FAM20B: variants seen among roughly 807,000 people sequenced by gnomAD.
The protein encoded by FAM20B is glycosaminoglycan xylosylkinase.
Under a neutral mutation model 43.8 loss-of-function variants are expected in FAM20B, and 23 were observed. That is an observed-to-expected ratio of 0.53 (90% CI 0.38 to 0.74). FAM20B has a LOEUF of 0.74. FAM20B is among the 30% of genes least tolerant of loss of function. FAM20B has a pLI of 0.00. For synonymous variants in FAM20B, 178 were observed against 192.4 expected (o/e 0.93, Z 0.62); for missense variants, 440 against 510.5 (o/e 0.86, Z 1.33).
the FAM20B span, among the ~76,000 whole-genome samples, chr1:179,019,908 C>T: frequency 6.6e-6 from 1 of 152,206 alleles, no homozygotes; most frequent in Non-Finnish European, 1.5e-5. Context: ...TCCCTGCCTA[C>T]ATGCCATGCC....
intron 4 of FAM20B, among the ~76,000 whole-genome samples, chr1:179,058,520 A>G (rs1470140781): frequency 2.0e-5 from 3 of 152,210 alleles, no homozygotes; most frequent in Non-Finnish European, 2.9e-5. Flanking sequence ...GTTTAGCTGA[A>G]GGAAAGGATG....
At chr1:179,018,596 C>A in the FAM20B span, among the ~76,000 whole-genome samples, 1 of 152,176 alleles carries the variant, frequency 6.6e-6, no homozygotes, top group Non-Finnish European at 1.5e-5. Context: ...CGTCAGCCAC[C>A]ATGCCCGGCC....
intron 1 of FAM20B, among the ~76,000 whole-genome samples, chr1:179,031,934 T>C (rs957954372): frequency 1.9e-4 from 29 of 152,322 alleles, no homozygotes; most frequent in African/African-American, 5.8e-4. Flanking sequence ...TGTGGTAGAA[T>C]TGAACTTTGT....
chr1:179,042,822 G>A (rs969882192), intron 1 of FAM20B, among the ~76,000 whole-genome samples: 3 of 152,246 alleles, frequency 2.0e-5, no homozygotes. Flanking sequence ...GTGCACGCAG[G>A]TTGTCCGGAT....
rs1289557079 is a variant in FAM20B, at chr1:179,040,774, C to T, written c.-133-2941C>T. On this transcript the variant is annotated intron_variant, in intron 1 of 7. Transcript: ENST00000263733. ...CGGGGGCTGACCCCCACCTCCCTCC[C>T]GGACGGGTTGGCTGCTGGGCGGAGA... Among the ~76,000 whole-genome samples the T allele has an allele frequency of 8.6e-5, 13 of 151,752 alleles. No homozygotes were observed. The South Asian group carries it at 1.7e-3, about 19-fold the overall frequency.
intron 1 of FAM20B, among the ~76,000 whole-genome samples, chr1:179,043,467 G>A (rs60642070): frequency 0.021 from 3,210 of 152,240 alleles, 130 homozygotes; most frequent in African/African-American, 0.074. Flanking sequence ...TTCCAGCTCC[G>A]TGGAGTGTGC....
chr1:179,043,998 G>A lies in FAM20B; in HGVS notation c.151G>A (p.Glu51Lys), dbSNP rs1476939825. Residue 51 changes from glutamate to lysine, a missense_variant, in exon 2 of 8, where the codon GAG becomes AAG. Physicochemically the swap from Glu to Lys is moderately conservative, Grantham distance 56. Transcript: ENST00000263733. The stretch of plus-strand genomic sequence containing the variant: ...CCGAATGATGACTGGCTTGCGGGTG[G>A]AGCTGGCACCCAAGCTGGACCATAC... Reference protein sequence around the residue: ...FHRMMTGLRVELAPKLDHTLQ... With the variant: ...FHRMMTGLRVKLAPKLDHTLQ... The A allele has an allele frequency of 1.2e-6, 2 of 1,614,162 alleles. No homozygotes were observed. The highest frequency in any genetic ancestry group is 1.7e-5 in the Admixed American group (1 of 60,020).
At chr1:179,028,350 G>A (rs145370517) in intron 1 of FAM20B, among the ~76,000 whole-genome samples, 1,682 of 152,294 alleles carry the variant, frequency 0.011, 22 homozygotes, top group Non-Finnish European at 0.017. Context: ...TTGGGAGGCC[G>A]AGGCAGGCGG....
intron 1 of FAM20B, among the ~76,000 whole-genome samples, chr1:179,043,403 G>T (rs1650626607): frequency 6.6e-6 from 1 of 152,122 alleles, no homozygotes; most frequent in South Asian, 2.1e-4. Context: ...GGAACACGGG[G>T]CCCCTGCTCC....
In FAM20B at chr1:179,044,186, A is replaced by G. The variant is rs200608685; in HGVS notation, c.339A>G (p.Ile113Met). Residue 113 changes from isoleucine (I) to methionine (M), a missense_variant, in exon 2 of 8, where the codon ATA (isoleucine) becomes ATG (methionine). Transcript: ENST00000263733. ...YKGTQLKALL[I>M]LEGGQKVVFK... Reference sequence around the variant, plus strand: ...GGACACAGCTGAAAGCCTTACTGATACTTGAAGGAGGCCAGAAAGTTGTTT... The same window carrying G: ...GGACACAGCTGAAAGCCTTACTGATGCTTGAAGGAGGCCAGAAAGTTGTTT... 1.7e-4 allele frequency: 279 copies of G among 1,611,546 alleles called. 2 individuals are homozygous for G. Among genetic ancestry groups the G allele is most frequent in the South Asian group, 1.6e-3 (149 of 90,954 alleles).
intron 4 of FAM20B, among the ~76,000 whole-genome samples, chr1:179,057,699 C>A (rs1208264722): frequency 6.6e-6 from 1 of 152,046 alleles, no homozygotes; most frequent in Non-Finnish European, 1.5e-5. Flanking sequence ...TTCAGTACGA[C>A]TTTATTTCAC....
At chr1:179,040,084 G>C (rs1650420160) in intron 1 of FAM20B, among the ~76,000 whole-genome samples, 1 of 152,210 alleles carries the variant, frequency 6.6e-6, no homozygotes, top group Admixed American at 6.5e-5. Context: ...CAAGGCAGAA[G>C]AACTTTTCTT....
intron 4 of FAM20B, among the ~76,000 whole-genome samples, chr1:179,059,432 G>A (rs1357490063): frequency 6.6e-6 from 1 of 152,124 alleles, no homozygotes; most frequent in Non-Finnish European, 1.5e-5. Flanking sequence ...AAGTTGCTTA[G>A]AGAGACTAAA....
intron 1 of FAM20B, among the ~76,000 whole-genome samples, chr1:179,037,310 A>G (rs927194623): frequency 6.6e-6 from 1 of 151,868 alleles, no homozygotes; most frequent in African/African-American, 2.4e-5. Flanking sequence ...TACTCATTCC[A>G]CCAGGATGTG....
At chr1:179,051,560 G>A (rs12077860) in intron 3 of FAM20B, among the ~76,000 whole-genome samples, 2,139 of 152,104 alleles carry the variant, frequency 0.014, 63 homozygotes, top group African/African-American at 0.048. Flanking sequence ...CTGGGAGGTC[G>A]AGGCTGCAGT....
chr1:179,042,123 A>T (rs956315677), intron 1 of FAM20B, among the ~76,000 whole-genome samples: 1 of 152,188 alleles, frequency 6.6e-6, no homozygotes, highest in Non-Finnish European at 1.5e-5. Flanking sequence ...CTTCTGCCTG[A>T]GTAGTGCTTG....
intron 3 of FAM20B, among the ~76,000 whole-genome samples, chr1:179,053,054 G>A (rs544111258): frequency 4.9e-4 from 75 of 152,252 alleles, no homozygotes; most frequent in African/African-American, 1.7e-3. Flanking sequence ...TAGAGTATTT[G>A]TGTACTTTTG....
At chr1:179,057,927 C>T (rs1338012839) in intron 4 of FAM20B, among the ~76,000 whole-genome samples, 1 of 151,986 alleles carries the variant, frequency 6.6e-6, no homozygotes, top group Non-Finnish European at 1.5e-5. Flanking sequence ...AAATAGCAGT[C>T]TCTTAGGTAG....
intron 7 of FAM20B, 98 bp from the exon 8 acceptor site, chr1:179,071,815 A>T: frequency 1.3e-6 from 1 of 790,890 alleles, no homozygotes; most frequent in Non-Finnish European, 2.1e-6. Flanking sequence ...AAAGGATTTT[A>T]CCTAATTATT....
Sources: allele counts gnomAD v4.1 joint callset (sites outside exome capture counted in the v4.1 genomes callset), GRCh38; gene constraint gnomAD v4.1.1; transcripts MANE v1.5; gene names NCBI Gene and HGNC (gene_info 2026-07-23, HGNC 2026-07-21).